LYRM4: variants seen among roughly 807,000 people sequenced by gnomAD.
LYRM4 encodes LYR motif containing 4, also known as LYR motif-containing protein 4.
A neutral mutation model predicts 11.7 loss-of-function variants in LYRM4; 9 were observed. That is an observed-to-expected ratio of 0.77 (90% CI 0.46 to 1.34). LYRM4 has a LOEUF of 1.34. Ranked by LOEUF, LYRM4 falls within the 40% of genes most tolerant of loss-of-function variation. The pLI is 0.00. For synonymous variants in LYRM4, 42 were observed against 40.4 expected (o/e 1.04, Z -0.15); for missense variants, 133 against 112.5 (o/e 1.18, Z -0.82).
chr6:5,235,790 CCT>C (rs1308569836), intron 1 of LYRM4, among the ~76,000 whole-genome samples: 6 of 152,228 alleles, frequency 3.9e-5, no homozygotes, highest in African/African-American at 1.4e-4. Flanking sequence ...TTCTTTTACC[CCT>C]GTGTTTGAGC....
intron 2 of LYRM4, among the ~76,000 whole-genome samples, chr6:5,131,667 A>C (rs466285): frequency 3.3e-5 from 5 of 152,208 alleles, no homozygotes; most frequent in Non-Finnish European, 7.3e-5. Context: ...GGCTCAAACC[A>C]GTAGATATTT....
rs34304149 is a variant in LYRM4, at chr6:5,118,095, T to TATTTG, written c.208-8605_208-8604insCAAAT. On this transcript the variant is annotated intron_variant, in intron 2 of 2. Coordinates refer to ENST00000330636, the MANE Select transcript of LYRM4 (RefSeq NM_020408.6). Reference sequence around the variant, plus strand: ...CACCAAAACAATATATATATATATATTTTTGTTTTGTTTTGTTTTGTTTTT... The same window carrying TATTTG: ...CACCAAAACAATATATATATATATATATTTGTTTTGTTTTGTTTTGTTTTGTTTTT... Among the ~76,000 whole-genome samples the TATTTG allele has an allele frequency of 1.9e-3, 185 of 96,888 alleles. 3 individuals carry two copies. In the East Asian group the frequency reaches 0.039, roughly 21 times the overall value. The allele number at this position is 96,888 out of a possible 152,430, so 63.6% of individuals were successfully genotyped here.
At chr6:5,118,399 G>A (rs1199335290) in intron 2 of LYRM4, among the ~76,000 whole-genome samples, 1 of 152,114 alleles carries the variant, frequency 6.6e-6, no homozygotes, top group East Asian at 1.9e-4. Context: ...TTACAGGCAT[G>A]AGCCACCATG....
the LYRM4 span, chr6:5,085,361 G>A: frequency 4.4e-6 from 3 of 682,324 alleles, no homozygotes; most frequent in Non-Finnish European, 7.2e-6. Context: ...TCGAGCCTGG[G>A]GCGACTCGCC....
the LYRM4 span, among the ~76,000 whole-genome samples, chr6:5,094,737 A>G: frequency 1.0e-2 from 1,515 of 152,228 alleles, 29 homozygotes; most frequent in African/African-American, 0.034. Flanking sequence ...GCATGACTGT[A>G]TGGTGGTGTT....
At chr6:5,085,570 G>GC in the LYRM4 span, 1 of 1,543,356 alleles carries the variant, frequency 6.5e-7, no homozygotes, top group Non-Finnish European at 8.7e-7. Context: ...GGAGCTGCCC[G>GC]CCCCGGTGGT....
chr6:5,151,075 T>C (rs1469726326), intron 2 of LYRM4, among the ~76,000 whole-genome samples: 1 of 138,128 alleles, frequency 7.2e-6, no homozygotes, highest in African/African-American at 2.7e-5. Flanking sequence ...TGCCTTTTGT[T>C]TGTTTTGAAT....
the LYRM4 span, among the ~76,000 whole-genome samples, chr6:5,055,740 A>G: frequency 1.3e-5 from 2 of 152,138 alleles, no homozygotes; most frequent in African/African-American, 4.8e-5. This position sits in a 1 kb window ranked among gnomAD's most constrained non-coding sequence, Gnocchi z 4.5. Flanking sequence ...TAGCTAAGAC[A>G]TCTCTGGTCC....
intron 2 of LYRM4, among the ~76,000 whole-genome samples, chr6:5,206,062 T>G (rs1265543725): frequency 6.6e-6 from 1 of 152,208 alleles, no homozygotes; most frequent in Non-Finnish European, 1.5e-5. Flanking sequence ...GAAAACACAC[T>G]TGCTGGGAGA....
At chr6:5,147,388 C>T (rs370986809) in intron 2 of LYRM4, among the ~76,000 whole-genome samples, 6 of 152,240 alleles carry the variant, frequency 3.9e-5, no homozygotes, top group East Asian at 3.9e-4. Context: ...TAATGGATAA[C>T]GTACCTAATT....
chr6:5,084,471 C>T, the LYRM4 span: 2 of 152,064 alleles, frequency 1.3e-5, no homozygotes, highest in Non-Finnish European at 2.9e-5. Context: ...GGCGCCGGCC[C>T]CACGGGGCCC....
intron 1 of LYRM4, among the ~76,000 whole-genome samples, chr6:5,229,943 T>A (rs1341104363): frequency 6.6e-6 from 1 of 152,250 alleles, no homozygotes; most frequent in Non-Finnish European, 1.5e-5. Context: ...CTATAATTTA[T>A]CAAAATTAAA....
rs576718010 is a variant in LYRM4, at chr6:5,125,600, T to C, written c.208-16109A>G. Among the ~76,000 whole-genome samples the C allele has an allele frequency of 1.5e-4, 23 of 152,292 alleles. No homozygotes were observed. The East Asian group carries it at 3.3e-3, about 22-fold the overall frequency. On this transcript the variant is annotated intron_variant, in intron 2 of 2. Transcript: ENST00000330636. The stretch of plus-strand genomic sequence containing the variant: ...AGAATCCCAGAGTGGTCACCACACA[T>C]GGAGTTGCCACAAGCCTGCAGCTGA...
chr6:5,037,741 C>G, the LYRM4 span, among the ~76,000 whole-genome samples: 2 of 52,292 alleles, frequency 3.8e-5, no homozygotes, highest in South Asian at 2.0e-3. Flanking sequence ...AGAGGGGCTC[C>G]TCACTTCCCA....
the LYRM4 span, among the ~76,000 whole-genome samples, chr6:5,071,026 A>G: frequency 2.0e-5 from 3 of 151,946 alleles, no homozygotes; most frequent in Non-Finnish European, 4.4e-5. Flanking sequence ...TGTCTCTACT[A>G]ACAATACAAA....
chr6:5,115,753 T>C, intron 2 of LYRM4, among the ~76,000 whole-genome samples: 1 of 151,978 alleles, frequency 6.6e-6, no homozygotes, highest in East Asian at 1.9e-4. Context: ...GAATTAAATT[T>C]AAAAAAAACC....
chr6:5,066,863 G>T, the LYRM4 span: 2 of 904,152 alleles, frequency 2.2e-6, no homozygotes, highest in South Asian at 1.6e-5. Context: ...GGCCACGGCG[G>T]TTCCTCGCCG....
downstream of LYRM4, chr6:5,104,715 TG>T (rs1210910184): frequency 3.9e-5 from 6 of 152,238 alleles, no homozygotes; most frequent in Non-Finnish European, 8.8e-5. Flanking sequence ...AAGTCAGCAG[TG>T]GGGACAAAAT....
chr6:5,163,079 A>G (rs1376524352), intron 2 of LYRM4, among the ~76,000 whole-genome samples: 2 of 152,272 alleles, frequency 1.3e-5, no homozygotes, highest in African/African-American at 2.4e-5. Context: ...CATAATTTTA[A>G]TATGGTCCAA....
Sources: gnomAD v4.1 joint callset for allele counts (sites outside exome capture counted in the v4.1 genomes callset) on GRCh38, gnomAD v4.1.1 for gene constraint, Gnocchi (gnomAD v3.1) non-coding constraint, MANE v1.5 for transcripts, NCBI Gene and HGNC (gene_info 2026-07-23, HGNC 2026-07-21) for gene names.